The following PCSK6 variants were observed in gnomAD, a reference collection of about 807,000 sequenced individuals.
The protein encoded by PCSK6 is proprotein convertase subtilisin/kexin type 6.
A neutral mutation model predicts 123.3 loss-of-function variants in PCSK6; 85 were observed. The observed-to-expected ratio is 0.69, with a 90% CI of 0.58 to 0.83. PCSK6 has a LOEUF of 0.83. PCSK6 is among the 40% of genes least tolerant of loss of function. The probability of loss-of-function intolerance (pLI) is 0.00; values close to 1 mark genes in which losing one functional copy is unlikely to be tolerated. For synonymous variants in PCSK6, 508 were observed against 516.0 expected (o/e 0.98, Z 0.21); for missense variants, 1,191 against 1,282.3 (o/e 0.93, Z 1.09).
In PCSK6 at chr15:101,431,308, G is replaced by A; in HGVS notation, c.657+12C>T. The A allele has an allele frequency of 6.2e-7, 1 of 1,613,674 alleles. No individual in the cohort carries two copies. The highest frequency in any genetic ancestry group is 1.1e-5 in the South Asian group (1 of 91,066). ...GAATATATTTGCATGTCAGTTCCGA[G>A]GATTGACTTACATAATTTGGGGCCA... On this transcript the variant is annotated intron_variant, in intron 4 of 21. Transcript: ENST00000611716.
Position 101,415,401 on chromosome 15 carries a change from C to G in PCSK6, c.823+12491G>C, listed in dbSNP as rs192299847. Among the ~76,000 whole-genome samples the G allele has an allele frequency of 2.6e-5, 4 of 152,348 alleles. No individual in the cohort carries two copies. In the East Asian group the frequency reaches 5.8e-4, roughly 22 times the overall value. On this transcript the variant is annotated intron_variant, in intron 6 of 21. Transcript: ENST00000611716. The stretch of plus-strand genomic sequence containing the variant: ...GCCATTAAGGAATGAGGGCCCAGCA[C>G]AGCCAGAGCTTCTAAGCTTTCATAG...
chr15:101,357,927 G>T (rs1017803673), intron 13 of PCSK6, among the ~76,000 whole-genome samples: 1 of 152,214 alleles, frequency 6.6e-6, no homozygotes, highest in Non-Finnish European at 1.5e-5. Flanking sequence ...CCTCCCAGAG[G>T]CAGCAGGCCC....
chr15:101,461,979 GATAA>G (rs1367432754), intron 1 of PCSK6, among the ~76,000 whole-genome samples: 1 of 152,134 alleles, frequency 6.6e-6, no homozygotes, highest in Non-Finnish European at 1.5e-5. Context: ...CAACAGCCAT[GATAA>G]ATAAATAATT....
chr15:101,352,565 C>A (rs1345551922), intron 13 of PCSK6, among the ~76,000 whole-genome samples: 2 of 152,182 alleles, frequency 1.3e-5, no homozygotes, highest in East Asian at 3.8e-4. Flanking sequence ...TCTTTTCCCA[C>A]CAGTTTAAAA....
At chr15:101,367,038 G>A (rs1207012017) in intron 12 of PCSK6, among the ~76,000 whole-genome samples, 1 of 152,164 alleles carries the variant, frequency 6.6e-6, no homozygotes, top group East Asian at 1.9e-4. Context: ...GGAGGGGCCC[G>A]TGGAGAGCGG....
At chr15:101,340,935 C>T (rs1291813797) in intron 13 of PCSK6, among the ~76,000 whole-genome samples, 1 of 150,612 alleles carries the variant, frequency 6.6e-6, no homozygotes, top group Non-Finnish European at 1.5e-5. Flanking sequence ...CATTTATGTG[C>T]TTCTCCCAAA....
At chr15:101,450,371 TGCTC>T (rs1056747995) in intron 1 of PCSK6, among the ~76,000 whole-genome samples, 2 of 152,114 alleles carry the variant, frequency 1.3e-5, no homozygotes, top group Non-Finnish European at 2.9e-5. Flanking sequence ...CACACCCCTG[TGCTC>T]GCTCAAGTCC....
chr15:101,460,693 G>A (rs2141204945), intron 1 of PCSK6, among the ~76,000 whole-genome samples: 1 of 152,336 alleles, frequency 6.6e-6, no homozygotes, highest in South Asian at 2.1e-4. Flanking sequence ...TTCCAAGAAA[G>A]CATAGTCTTT....
At chr15:101,472,454 C>T (rs966504179) in intron 1 of PCSK6, among the ~76,000 whole-genome samples, 3 of 152,256 alleles carry the variant, frequency 2.0e-5, no homozygotes, top group African/African-American at 4.8e-5. Context: ...AAGCTCGAGA[C>T]TTGCAATCTA....
intron 18 of PCSK6, among the ~76,000 whole-genome samples, chr15:101,321,394 A>G (rs2040119038): frequency 6.6e-6 from 1 of 152,212 alleles, no homozygotes; most frequent in Non-Finnish European, 1.5e-5. Context: ...CTGATCTGGA[A>G]GAAAGAGGCA....
intron 1 of PCSK6, among the ~76,000 whole-genome samples, chr15:101,472,034 A>T (rs577554763): frequency 2.7e-4 from 3 of 10,930 alleles, no homozygotes; most frequent in East Asian, 8.3e-4. Flanking sequence ...AAATTGTGAT[A>T]AAAAAAAGCT....
chr15:101,334,884 G>A (rs2040442632), intron 13 of PCSK6, among the ~76,000 whole-genome samples: 1 of 152,200 alleles, frequency 6.6e-6, no homozygotes, highest in African/African-American at 2.4e-5. Flanking sequence ...CCTCATGGGA[G>A]GAGGCTGGAC....
chr15:101,426,747 A>G (rs1461517938), intron 6 of PCSK6, among the ~76,000 whole-genome samples: 1 of 115,044 alleles, frequency 8.7e-6, no homozygotes, highest in East Asian at 2.6e-4. Context: ...AAGCGGCTGC[A>G]GCCACCCTCA....
At chr15:101,350,158 G>A (rs1034584347) in intron 13 of PCSK6, among the ~76,000 whole-genome samples, 8 of 152,066 alleles carry the variant, frequency 5.3e-5, no homozygotes, top group African/African-American at 1.7e-4. Flanking sequence ...CACCTGCCTT[G>A]GCCTCTCAAA....
At chr15:101,394,036 C>T (rs2042319180) in intron 7 of PCSK6, among the ~76,000 whole-genome samples, 1 of 152,132 alleles carries the variant, frequency 6.6e-6, no homozygotes, top group East Asian at 1.9e-4. Flanking sequence ...TGTCAGAGCT[C>T]CCTGTGGTCT....
In PCSK6 at chr15:101,305,037, G is replaced by A; in HGVS notation, c.*221C>T. The A allele has an allele frequency of 1.9e-6, 1 of 533,572 alleles. No individual in the cohort carries two copies. The highest frequency in any genetic ancestry group is 3.3e-6 in the Non-Finnish European group (1 of 299,240). 33.1% of individuals were successfully genotyped at this position (533,572 alleles called of 1,614,324 possible). A position where few individuals can be genotyped will look rare whatever the true frequency, so the allele number is the denominator to read the frequency against. ...GTTCCTGTTAGTTTGTCGGAAGACT[G>A]GAGCCAACAAGCAGCATTTGAGAGG... On this transcript the variant is annotated 3_prime_UTR_variant, in exon 22 of 22. Transcript: ENST00000611716. This position sits in a 1 kb window ranked among gnomAD's most constrained non-coding sequence, Gnocchi z 4.8.
intron 1 of PCSK6, among the ~76,000 whole-genome samples, chr15:101,487,265 G>A (rs1044720551): frequency 3.3e-5 from 5 of 152,262 alleles, no homozygotes; most frequent in African/African-American, 1.2e-4. Flanking sequence ...GTTAGTGAAT[G>A]TCACCGCAGT....
intron 6 of PCSK6, among the ~76,000 whole-genome samples, chr15:101,416,746 G>A (rs1027089222): frequency 6.6e-6 from 1 of 152,248 alleles, no homozygotes; most frequent in African/African-American, 2.4e-5. Context: ...TACAGCTTGG[G>A]CTGTGGCTTC....
intron 1 of PCSK6, among the ~76,000 whole-genome samples, chr15:101,458,240 C>G (rs2057241640): frequency 6.6e-6 from 1 of 152,224 alleles, no homozygotes; most frequent in African/African-American, 2.4e-5. Context: ...TTGGTGGGCA[C>G]AGGTCGTGGT....
Sources: allele counts gnomAD v4.1 joint callset (sites outside exome capture counted in the v4.1 genomes callset), GRCh38; gene constraint gnomAD v4.1.1; non-coding constraint Gnocchi (gnomAD v3.1); transcripts MANE v1.5; gene names NCBI Gene and HGNC (gene_info 2026-07-23, HGNC 2026-07-21).